VAV1: variants seen among roughly 807,000 people sequenced by gnomAD.
The protein encoded by VAV1 is vav guanine nucleotide exchange factor 1.
In VAV1, 33 loss-of-function variants were observed where a neutral mutation model predicts 128.1. That is an observed-to-expected ratio of 0.26 (90% confidence interval 0.20 to 0.34). The LOEUF (loss-of-function observed/expected upper bound fraction) is 0.34, where lower values mean the gene tolerates loss of function less well. Among genes scored for constraint, VAV1 ranks in the 10% least tolerant of loss-of-function variants. The pLI, the probability that VAV1 is intolerant of heterozygous loss-of-function variation, is 1.00. For synonymous variants in VAV1, 394 were observed against 409.8 expected (o/e 0.96, Z 0.47); for missense variants, 715 against 1,093.7 (o/e 0.65, Z 4.88).
At chr19:6,782,926 A>T (rs939787484) in intron 1 of VAV1, among the ~76,000 whole-genome samples, 3 of 151,882 alleles carry the variant, frequency 2.0e-5, no homozygotes, top group Non-Finnish European at 4.4e-5. Context: ...TCACGCCTGT[A>T]ATCCCAGCAC....
At chr19:6,856,089 G>GT (rs1389899401) in intron 26 of VAV1, among the ~76,000 whole-genome samples, 4 of 152,190 alleles carry the variant, frequency 2.6e-5, no homozygotes, top group African/African-American at 9.7e-5. Flanking sequence ...GAGGAGAGGA[G>GT]TTTGAGACCC....
At chr19:6,780,573 CT>C (rs34155628) in intron 1 of VAV1, among the ~76,000 whole-genome samples, 25,696 of 128,584 alleles carry the variant, frequency 0.2, 2,093 homozygotes, top group Middle Eastern at 0.25. Context: ...TTTCTTTTTT[CT>C]TTTTTTTTTT....
At position 6,782,437 on chromosome 19, in the gene VAV1, T is replaced by G. The variant is rs150942717; in HGVS notation, c.204+9426T>G. Among the ~76,000 whole-genome samples, 36 of 152,310 alleles carry G rather than the reference T, an allele frequency of 2.4e-4. 1 individual carries two copies. The East Asian group carries it at 6.6e-3, about 28-fold the overall frequency. On this transcript the variant is annotated intron_variant, in intron 1 of 26. Transcript: ENST00000602142. Reference sequence around the variant, plus strand: ...TGTGTAAGGATTAAACATGATAAGGTAAATGAAATTCCCAGCATGGCAATT... The same window carrying G: ...TGTGTAAGGATTAAACATGATAAGGGAAATGAAATTCCCAGCATGGCAATT...
In VAV1 at chr19:6,828,474, T is replaced by A. The variant is rs1204298722; in HGVS notation, c.1079T>A (p.Leu360Gln). The A allele has an allele frequency of 6.2e-7, 1 of 1,613,974 alleles. No homozygotes were observed. Among genetic ancestry groups the A allele is most frequent in the African/African-American group, 1.3e-5 (1 of 74,886 alleles). The part of the protein sequence containing the change: ...AMEKENLRLA[L>Q]DAMRDLAQCV... ...GAGAAGGAGAACCTGCGGCTGGCCCTGGATGCCATGAGGGTGAGTGGGTGT... is the reference window on the plus strand; with the variant it reads ...GAGAAGGAGAACCTGCGGCTGGCCCAGGATGCCATGAGGGTGAGTGGGTGT... The change falls in exon 11 of 27, where the codon CTG becomes CAG. Residue 360 changes from leucine to glutamine, a missense_variant. Leu to Gln is a moderately radical substitution (Grantham distance 113). This residue lies in a region of VAV1 where 302 missense variants were observed against 477.8 expected (regional missense o/e 0.63). Coordinates refer to ENST00000602142, the MANE Select transcript of VAV1 (RefSeq NM_005428.4). The surrounding 1 kb of genome is among the most constrained non-coding windows in gnomAD (Gnocchi z 4.5).
intron 24 of VAV1, 72 bp downstream of exon 24, chr19:6,850,829 G>A: frequency 1.3e-6 from 2 of 1,520,406 alleles, no homozygotes; most frequent in Non-Finnish European, 1.8e-6. Flanking sequence ...TCCGCCTTGG[G>A]ACCCCCTTTT....
At position 6,822,582 on chromosome 19, in the gene VAV1, C is replaced by T. The variant is rs886728301; in HGVS notation, c.654+68C>T. On this transcript the variant is annotated intron_variant, in intron 6 of 26. Transcript: ENST00000602142. The surrounding 1 kb of genome is among the most constrained non-coding windows in gnomAD (Gnocchi z 5.9). ...AGCTGGGCCGGCAGGTGCACGTCCA[C>T]CTGTCCGGCCGCTCTGGGCAGCTGA... 3.6e-6 allele frequency: 5 copies of T among 1,400,664 alleles called. No homozygotes were observed. The African/African-American group carries it at 4.3e-5, about 12-fold the overall frequency. The allele number at this position is 1,400,664 out of a possible 1,614,324, so 86.8% of individuals were successfully genotyped here.
chr19:6,836,872 ACACACACG>A (rs1408551197), intron 20 of VAV1, 105 bp from the exon 21 acceptor site: 1 of 529,158 alleles, frequency 1.9e-6, no homozygotes, highest in African/African-American at 2.2e-5. Context: ...ACACACACAC[ACACACACG>A]AGTGATGGGG....
intron 1 of VAV1, among the ~76,000 whole-genome samples, chr19:6,812,830 A>ATG (rs1971542229): frequency 6.6e-6 from 1 of 151,438 alleles, no homozygotes; most frequent in African/African-American, 2.4e-5. Context: ...TGGTGGTGAT[A>ATG]ATGATGATGA....
At chr19:6,835,059 A>T (rs1972187216) in intron 19 of VAV1, among the ~76,000 whole-genome samples, 1 of 152,092 alleles carries the variant, frequency 6.6e-6, no homozygotes. Flanking sequence ...ATAAAAAAAT[A>T]AATATATGAA....
chr19:6,805,663 C>T (rs968499397), intron 1 of VAV1, among the ~76,000 whole-genome samples: 1 of 150,390 alleles, frequency 6.6e-6, no homozygotes, highest in Non-Finnish European at 1.5e-5. Flanking sequence ...GATGAATCAA[C>T]CACATTACAT....
chr19:6,842,738 G>T (rs1016849674), intron 21 of VAV1, among the ~76,000 whole-genome samples: 1 of 152,096 alleles, frequency 6.6e-6, no homozygotes, highest in Non-Finnish European at 1.5e-5. Flanking sequence ...GGAGGCTGAG[G>T]TGAGAGGATC....
intron 1 of VAV1, among the ~76,000 whole-genome samples, chr19:6,817,222 T>G (rs1971675007): frequency 6.6e-6 from 1 of 151,624 alleles, no homozygotes; most frequent in Admixed American, 6.6e-5. Context: ...TAATTTTTTT[T>G]GTTTGTTTTT....
rs188022639 is a variant in VAV1 at position 6,791,019 on chromosome 19, C to G, written c.204+18008C>G. Among the ~76,000 whole-genome samples the G allele has an allele frequency of 1.8e-3, 274 of 152,308 alleles. 2 individuals are homozygous for G. Among genetic ancestry groups the G allele is most frequent in the Non-Finnish European group, 3.1e-3 (212 of 68,020 alleles). ...CAGAGTCGAGTCCTGCCTCCTATTT[C>G]ACATGCATCCTTGGATTGTGACTCC... On this transcript the variant is annotated intron_variant, in intron 1 of 26. Transcript: ENST00000602142.
At chr19:6,812,299 G>A (rs1971530320) in intron 1 of VAV1, among the ~76,000 whole-genome samples, 1 of 152,142 alleles carries the variant, frequency 6.6e-6, no homozygotes, top group Non-Finnish European at 1.5e-5. Context: ...TCACTCTTTG[G>A]GTTTCTCTCT....
At chr19:6,845,861 C>T (rs1170938229) in intron 22 of VAV1, among the ~76,000 whole-genome samples, 1 of 147,112 alleles carries the variant, frequency 6.8e-6, no homozygotes, top group Non-Finnish European at 1.5e-5. Context: ...CATATTATAC[C>T]ATATATCATA....
chr19:6,837,795 C>T (rs758033864), intron 21 of VAV1, among the ~76,000 whole-genome samples: 62 of 152,214 alleles, frequency 4.1e-4, no homozygotes, highest in Non-Finnish European at 2.1e-4. Context: ...AGTTTGCAGA[C>T]GACGTTCCCC....
intron 22 of VAV1, among the ~76,000 whole-genome samples, chr19:6,844,704 G>A (rs755316138): frequency 2.0e-5 from 3 of 152,134 alleles, no homozygotes; most frequent in Middle Eastern, 3.2e-3. Context: ...GCTCTCCTGC[G>A]TTAGCGCTCC....
intron 23 of VAV1, among the ~76,000 whole-genome samples, chr19:6,849,955 C>A (rs1972624149): frequency 6.6e-6 from 1 of 152,084 alleles, no homozygotes; most frequent in African/African-American, 2.4e-5. Context: ...GATACCCAGT[C>A]ATAGGGTAGC....
chr19:6,773,072 C>G (rs1599607062), intron 1 of VAV1, 61 bp downstream of exon 1: 2 of 1,596,132 alleles, frequency 1.3e-6, no homozygotes, highest in Non-Finnish European at 1.7e-6. Context: ...CCGGGGCTGA[C>G]AGTCGAGGGG....
Sources: allele counts gnomAD v4.1 joint callset (sites outside exome capture counted in the v4.1 genomes callset), GRCh38; gene constraint gnomAD v4.1.1; regional missense constraint gnomAD v4.1.1; non-coding constraint Gnocchi (gnomAD v3.1); transcripts MANE v1.5; gene names NCBI Gene and HGNC (gene_info 2026-07-23, HGNC 2026-07-21).